CCDC85C: variants seen among roughly 807,000 people sequenced by gnomAD.
The protein encoded by CCDC85C is coiled-coil domain-containing protein 85C.
CCDC85C carries 18 observed loss-of-function variants against 38.3 expected under a neutral mutation model. That is an observed-to-expected ratio of 0.47 (90% CI 0.33 to 0.70). CCDC85C has a LOEUF of 0.70. Among genes scored for constraint, CCDC85C ranks in the 30% least tolerant of loss-of-function variants. The probability of loss-of-function intolerance (pLI) is 0.03; values close to 1 mark genes in which losing one functional copy is unlikely to be tolerated. For synonymous variants in CCDC85C, 264 were observed against 293.8 expected (o/e 0.90, Z 1.04); for missense variants, 566 against 621.2 (o/e 0.91, Z 0.94).
At chr14:99,547,842 G>T (rs150462439) in intron 1 of CCDC85C, among the ~76,000 whole-genome samples, 1 of 151,096 alleles carries the variant, frequency 6.6e-6, no homozygotes, top group South Asian at 2.1e-4. Flanking sequence ...ATGTGTGTGT[G>T]TATATACACA....
intron 3 of CCDC85C, among the ~76,000 whole-genome samples, chr14:99,521,387 G>C (rs1897301067): frequency 1.3e-5 from 2 of 152,248 alleles, no homozygotes; most frequent in African/African-American, 4.8e-5. Context: ...CTCTGCACCG[G>C]GGGCCTGGGG....
In CCDC85C at chr14:99,503,430, G is replaced by A. The variant is rs186007132; in HGVS notation, c.*11816C>T. On this transcript the variant is annotated 3_prime_UTR_variant, in exon 6 of 6. Transcript: ENST00000380243. ...TTTGGTAAATGGAAAGAGGAAGGGAGCAGAAATGATGATCTGGTAGGTGCC... is the reference window on the plus strand; with the variant it reads ...TTTGGTAAATGGAAAGAGGAAGGGAACAGAAATGATGATCTGGTAGGTGCC... The A allele has an allele frequency of 1.4e-4, 88 of 611,218 alleles. No homozygotes were observed. In the African/African-American group the frequency reaches 1.4e-3, roughly 10 times the overall value. 37.9% of individuals were successfully genotyped at this position (611,218 alleles called of 1,614,324 possible).
intron 1 of CCDC85C, among the ~76,000 whole-genome samples, chr14:99,589,702 C>T (rs1407422998): frequency 6.7e-6 from 1 of 150,054 alleles, no homozygotes; most frequent in East Asian, 2.0e-4. Context: ...GCCCATGTGA[C>T]CACTGCAGAG....
In CCDC85C at chr14:99,572,218, C is replaced by G. The variant is rs1285033479; in HGVS notation, c.793+30949G>C. 6.6e-6 allele frequency among the ~76,000 whole-genome samples: 1 copy of G among 152,236 alleles called. No individual in the cohort carries two copies. The highest frequency in any genetic ancestry group is 2.4e-5 in the African/African-American group (1 of 41,462). The stretch of plus-strand genomic sequence containing the variant: ...TGGGCTTCAGTGGCCCTGGCCCCAG[C>G]AGCGTTAGTGAATGGCCAGGCTGTG... On this transcript the variant is annotated intron_variant, in intron 1 of 5. Transcript: ENST00000380243. The surrounding 1 kb of genome is among the most constrained non-coding windows in gnomAD (Gnocchi z 4.4).
At chr14:99,561,123 G>T (rs117864503) in intron 1 of CCDC85C, among the ~76,000 whole-genome samples, 6 of 152,130 alleles carry the variant, frequency 3.9e-5, no homozygotes, top group Middle Eastern at 3.4e-3. Context: ...CTACGTGCAT[G>T]GGGGGGTGCC....
At chr14:99,526,348 C>T (rs977235855) in intron 2 of CCDC85C, among the ~76,000 whole-genome samples, 3 of 152,246 alleles carry the variant, frequency 2.0e-5, no homozygotes, top group African/African-American at 7.2e-5. Context: ...AATGCCTCTG[C>T]CCTGAGCGTG....
chr14:99,507,040 GTA>G lies in CCDC85C; in HGVS notation c.*8204_*8205del, dbSNP rs1896992442. On this transcript the variant is annotated 3_prime_UTR_variant, in exon 6 of 6. Coordinates refer to ENST00000380243, the MANE Select transcript of CCDC85C (RefSeq NM_001144995.2). ...ATGACATGCTTATTCATGTGAAGAA[GTA>G]TGAGTGGTTTTCTAATCTGCTTTTT... 3.3e-6 allele frequency: 4 copies of G among 1,213,968 alleles called. No homozygotes were observed. The highest frequency in any genetic ancestry group is 3.4e-5 in the Admixed American group (2 of 59,476). The allele number at this position is 1,213,968 out of a possible 1,614,324, so 75.2% of individuals were successfully genotyped here.
In CCDC85C at chr14:99,604,073, G is replaced by A. The variant is rs986388792; in HGVS notation, c.-114C>T. The A allele has an allele frequency of 1.7e-5, 16 of 962,242 alleles. No homozygotes were observed. In the African/African-American group the frequency reaches 2.9e-4, roughly 17 times the overall value. The allele number at this position is 962,242 out of a possible 1,614,324, so 59.6% of individuals were successfully genotyped here. On this transcript the variant is annotated 5_prime_UTR_variant, in exon 1 of 6. Coordinates refer to ENST00000380243, the MANE Select transcript of CCDC85C (RefSeq NM_001144995.2). Reference sequence around the variant, plus strand: ...GCGGGGGGCGGCCGGGGGCGCGTGCGGCCCGCCCCGCGCCGCCTGGCGCGT... The same window carrying A: ...GCGGGGGGCGGCCGGGGGCGCGTGCAGCCCGCCCCGCGCCGCCTGGCGCGT...
chr14:99,512,884 C>G lies in CCDC85C; in HGVS notation c.*2362G>C, dbSNP rs1897161762. ...CAGCCCACGGCTCTGCAACTGCCAC[C>G]TGTACTCAGGTACATGGCGTCGCTG... On this transcript the variant is annotated 3_prime_UTR_variant, in exon 6 of 6. Transcript: ENST00000380243. 1 of 152,374 alleles carries G rather than the reference C, an allele frequency of 6.6e-6. No homozygotes were observed. Among genetic ancestry groups the G allele is most frequent in the Middle Eastern group, 3.4e-3 (1 of 294 alleles). 9.4% of individuals were successfully genotyped at this position (152,374 alleles called of 1,614,324 possible). A position where few individuals can be genotyped will look rare whatever the true frequency, so the allele number is the denominator to read the frequency against.
chr14:99,547,745 G>C (rs1164788372), intron 1 of CCDC85C, among the ~76,000 whole-genome samples: 2 of 151,666 alleles, frequency 1.3e-5, no homozygotes, highest in East Asian at 3.9e-4. Context: ...CTGCACTCCA[G>C]CCTGGGTGAC....
At chr14:99,541,965 A>G (rs1240726721) in intron 1 of CCDC85C, among the ~76,000 whole-genome samples, 1 of 152,152 alleles carries the variant, frequency 6.6e-6, no homozygotes, top group South Asian at 2.1e-4. Context: ...GCAAGGCCCT[A>G]CGGCATGGCT....
chr14:99,502,111 A>G lies in CCDC85C; in HGVS notation c.*13135T>C. On this transcript the variant is annotated 3_prime_UTR_variant, in exon 6 of 6. Coordinates refer to ENST00000380243, the MANE Select transcript of CCDC85C (RefSeq NM_001144995.2). ...ACTTTAATTAAATTTAGGGGAGAAT[A>G]AGCAAATTAATGGTTAGTTATGGCA... The G allele has an allele frequency of 7.6e-7, 1 of 1,314,190 alleles. No individual in the cohort carries two copies. The highest frequency in any genetic ancestry group is 1.0e-6 in the Non-Finnish European group (1 of 990,348). The allele number at this position is 1,314,190 out of a possible 1,614,324, so 81.4% of individuals were successfully genotyped here. A position where few individuals can be genotyped will look rare whatever the true frequency, so the allele number is the denominator to read the frequency against.
rs891962729 is a variant in CCDC85C, at chr14:99,511,334, T to C, written c.*3912A>G. 9 of 152,128 alleles carry C rather than the reference T, an allele frequency of 5.9e-5. No homozygotes were observed. The highest frequency in any genetic ancestry group is 1.2e-4 in the Non-Finnish European group (8 of 68,002). The allele number at this position is 152,128 out of a possible 1,614,324, so 9.4% of individuals were successfully genotyped here. Reference sequence around the variant, plus strand: ...GCCTCATTGGATGGCTTTTTTTTTTTCCTCCAGGGAGAAGGGGAGAAATGT... The same window carrying C: ...GCCTCATTGGATGGCTTTTTTTTTTCCCTCCAGGGAGAAGGGGAGAAATGT... On this transcript the variant is annotated 3_prime_UTR_variant, in exon 6 of 6. Transcript: ENST00000380243.
chr14:99,528,027 G>A (rs780495717), intron 2 of CCDC85C, among the ~76,000 whole-genome samples: 5 of 152,292 alleles, frequency 3.3e-5, no homozygotes, highest in South Asian at 2.1e-4. Context: ...ATGCCAGCTC[G>A]AGGAGAGGGC....
At chr14:99,534,366 A>G (rs1034464532) in intron 2 of CCDC85C, among the ~76,000 whole-genome samples, 1 of 152,040 alleles carries the variant, frequency 6.6e-6, no homozygotes, top group African/African-American at 2.4e-5. Context: ...CAAAAAAAAA[A>G]AAAGAAAGAA....
chr14:99,594,026 G>A (rs1005695036), intron 1 of CCDC85C, among the ~76,000 whole-genome samples: 1 of 147,560 alleles, frequency 6.8e-6, no homozygotes, highest in African/African-American at 2.5e-5. Context: ...TGCTGGGGGT[G>A]GGGGCGGGGG....
At chr14:99,537,287 G>A (rs1245934769) in intron 1 of CCDC85C, among the ~76,000 whole-genome samples, 2 of 152,116 alleles carry the variant, frequency 1.3e-5, no homozygotes, top group African/African-American at 4.8e-5. Flanking sequence ...ACCACACACA[G>A]CCAGCTATCT....
intron 5 of CCDC85C, among the ~76,000 whole-genome samples, chr14:99,515,786 G>A (rs1261452683): frequency 6.6e-6 from 1 of 152,110 alleles, no homozygotes; most frequent in Non-Finnish European, 1.5e-5. Flanking sequence ...GGTTCCACCT[G>A]GACCTCCTGC....
At chr14:99,597,028 G>A (rs1595110022) in intron 1 of CCDC85C, among the ~76,000 whole-genome samples, 1 of 152,280 alleles carries the variant, frequency 6.6e-6, no homozygotes, top group East Asian at 1.9e-4. Flanking sequence ...GGACTTTGGA[G>A]CAGACTCACC....
Sources: allele counts gnomAD v4.1 joint callset (sites outside exome capture counted in the v4.1 genomes callset), GRCh38; gene constraint gnomAD v4.1.1; non-coding constraint Gnocchi (gnomAD v3.1); transcripts MANE v1.5; gene names NCBI Gene and HGNC (gene_info 2026-07-23, HGNC 2026-07-21).